The following DAPK1 variants were observed in gnomAD, a reference collection of about 807,000 sequenced individuals.
The protein encoded by DAPK1 is death-associated protein kinase 1.
DAPK1 carries 56 observed loss-of-function variants against 144.9 expected under a neutral mutation model. The ratio of observed to expected loss-of-function variants is 0.39; its 90% CI spans 0.31 to 0.48. The LOEUF (loss-of-function observed/expected upper bound fraction) is 0.48, where lower values mean the gene tolerates loss of function less well. Ranked by LOEUF, DAPK1 falls within the 20% of genes least tolerant of loss-of-function variation. The probability of loss-of-function intolerance (pLI) is 0.95; values close to 1 mark genes in which losing one functional copy is unlikely to be tolerated. For synonymous variants in DAPK1, 690 were observed against 749.0 expected (o/e 0.92, Z 1.29); for missense variants, 1,454 against 1,875.4 (o/e 0.78, Z 4.15).
chr9:87,571,084 T>C (rs1025519635), intron 2 of DAPK1, among the ~76,000 whole-genome samples: 2 of 152,134 alleles, frequency 1.3e-5, no homozygotes, highest in Non-Finnish European at 2.9e-5. Flanking sequence ...TTAAAGAAAA[T>C]GTGGATGCCT....
At chr9:87,530,784 T>C (rs4878092) in intron 2 of DAPK1, among the ~76,000 whole-genome samples, 72,818 of 151,930 alleles carry the variant, frequency 0.48, 17,698 homozygotes, top group South Asian at 0.58. Context: ...AGGGGAGCCT[T>C]CTTGTCGCAG....
rs1163130485 is a variant in DAPK1, at chr9:87,649,795, A to G, written c.1429-126A>G. ...AGATTAATATTTCACTCCAATACCT[A>G]TGAGCTCTTTCCCTCTGCTGCCTTG... On this transcript the variant is annotated intron_variant, in intron 15 of 25. Transcript: ENST00000408954. 5.2e-5 allele frequency: 42 copies of G among 808,494 alleles called. 2 individuals carry two copies. In the East Asian group the frequency reaches 9.1e-4, roughly 17 times the overall value. The allele number at this position is 808,494 out of a possible 1,614,324, so 50.1% of individuals were successfully genotyped here. A position where few individuals can be genotyped will look rare whatever the true frequency, so the allele number is the denominator to read the frequency against.
chr9:87,560,717 G>A (rs1012105554), intron 2 of DAPK1, among the ~76,000 whole-genome samples: 5 of 150,086 alleles, frequency 3.3e-5, no homozygotes, highest in Non-Finnish European at 5.9e-5. Context: ...CCAGGCTGGA[G>A]TGCAGTGGCA....
chr9:87,653,608 TC>T (rs1830534318), intron 17 of DAPK1, among the ~76,000 whole-genome samples: 1 of 152,164 alleles, frequency 6.6e-6, no homozygotes, highest in Non-Finnish European at 1.5e-5. Flanking sequence ...CACTAAGTCT[TC>T]AGGAAAATGT....
chr9:87,550,717 A>G (rs1305680867), intron 2 of DAPK1, among the ~76,000 whole-genome samples: 1 of 152,222 alleles, frequency 6.6e-6, no homozygotes, highest in Non-Finnish European at 1.5e-5. Flanking sequence ...TGAGGGGGTC[A>G]TAATTCAACC....
Position 87,702,089 on chromosome 9 carries a change from G to A in DAPK1, c.2872-940G>A, listed in dbSNP as rs1055405902. On this transcript the variant is annotated intron_variant, in intron 24 of 25. Transcript: ENST00000408954. Reference sequence around the variant, plus strand: ...CTCTGGCATGATCTGCTGCTTCTCAGACACCCCCCGCCCAACCCCTAAACT... The same window carrying A: ...CTCTGGCATGATCTGCTGCTTCTCAAACACCCCCCGCCCAACCCCTAAACT... Among the ~76,000 whole-genome samples, 3 of 152,094 alleles carry A rather than the reference G, an allele frequency of 2.0e-5. No individual in the cohort carries two copies. The East Asian group carries it at 5.8e-4, about 29-fold the overall frequency.
At chr9:87,518,115 T>A (rs1403189264) in intron 2 of DAPK1, among the ~76,000 whole-genome samples, 1 of 139,904 alleles carries the variant, frequency 7.1e-6, no homozygotes, top group South Asian at 2.3e-4. Flanking sequence ...GTTTTTTTTT[T>A]TTTTTTTTTT....
At position 87,508,006 on chromosome 9, in the gene DAPK1, C is replaced by G. The variant is rs556690162; in HGVS notation, c.62+8867C>G. Among the ~76,000 whole-genome samples, 95 of 152,214 alleles carry G rather than the reference C, an allele frequency of 6.2e-4. 2 individuals are homozygous for G. The Middle Eastern group carries it at 0.024, about 38-fold the overall frequency. On this transcript the variant is annotated intron_variant, in intron 2 of 25. Coordinates refer to ENST00000408954, the MANE Select transcript of DAPK1 (RefSeq NM_004938.4). ...TAGTTCATTGCTTTTACTTTTGAAA[C>G]TGTATAAACTTTTCCCTTTTTTTGG...
chr9:87,688,306 G>A (rs982824316), intron 21 of DAPK1, among the ~76,000 whole-genome samples: 9 of 152,156 alleles, frequency 5.9e-5, no homozygotes, highest in Admixed American at 3.3e-4. Flanking sequence ...ATTTCATGAT[G>A]TATATGTATC....
At chr9:87,659,156 G>A (rs904914983) in intron 18 of DAPK1, among the ~76,000 whole-genome samples, 6 of 152,276 alleles carry the variant, frequency 3.9e-5, no homozygotes, top group South Asian at 2.1e-4. Context: ...CTAGGATGTC[G>A]CCTCCCCGAA....
intron 21 of DAPK1, among the ~76,000 whole-genome samples, chr9:87,689,697 G>A (rs941729174): frequency 2.0e-5 from 3 of 152,084 alleles, no homozygotes; most frequent in African/African-American, 4.8e-5. Flanking sequence ...TGAGAGACAG[G>A]GGTCCAGTTT....
At chr9:87,639,236 A>T in intron 4 of DAPK1, 118 bp from the exon 5 acceptor site, 4 of 884,926 alleles carry the variant, frequency 4.5e-6, no homozygotes, top group South Asian at 1.8e-5. Context: ...TCTTCCAACC[A>T]CCCTTTCTTC....
chr9:87,652,695 C>T (rs1830494091), intron 17 of DAPK1, among the ~76,000 whole-genome samples: 1 of 144,842 alleles, frequency 6.9e-6, no homozygotes, highest in South Asian at 2.3e-4. Context: ...TGTGTCCTCT[C>T]ACCTGATCCC....
Position 87,706,888 on chromosome 9 carries a change from G to C in DAPK1, c.3817G>C (p.Gly1273Arg), listed in dbSNP as rs763428159. The C allele has an allele frequency of 6.8e-6, 11 of 1,613,982 alleles. No individual in the cohort carries two copies. Among genetic ancestry groups the C allele is most frequent in the South Asian group, 1.1e-5 (1 of 91,082 alleles). The change falls in exon 26 of 26, where the codon GGG (glycine) becomes CGG (arginine). Residue 1273 changes from glycine (G) to arginine (R), a missense_variant. Physicochemically the swap from Gly to Arg is moderately radical, Grantham distance 125 (BLOSUM62 -2). Transcript: ENST00000408954. The surrounding 1 kb of genome is among the most constrained non-coding windows in gnomAD (Gnocchi z 9.0). Reference sequence around the variant, plus strand: ...GGAAACCTCACTGACCAACACCATGGGGGGGTACAAGGAAAGCTTCAGCAG... The same window carrying C: ...GGAAACCTCACTGACCAACACCATGCGGGGGTACAAGGAAAGCTTCAGCAG... ...LKETSLTNTM[G>R]GYKESFSSIM...
chr9:87,636,574 G>T (rs905770890), intron 3 of DAPK1, among the ~76,000 whole-genome samples: 4 of 152,154 alleles, frequency 2.6e-5, no homozygotes, highest in Admixed American at 2.6e-4. Flanking sequence ...ACTCTAGACC[G>T]TGCTAAGGAA....
At chr9:87,704,710 A>T (rs140265846) in intron 25 of DAPK1, among the ~76,000 whole-genome samples, 109 of 152,304 alleles carry the variant, frequency 7.2e-4, no homozygotes, top group African/African-American at 2.6e-3. Flanking sequence ...CAGGAACTAG[A>T]TCAATATTGG....
intron 2 of DAPK1, among the ~76,000 whole-genome samples, chr9:87,598,233 C>G (rs1828388598): frequency 6.6e-6 from 1 of 152,124 alleles, no homozygotes; most frequent in Admixed American, 6.5e-5. Flanking sequence ...AAAACCGAGC[C>G]AGGGATTTGA....
chr9:87,550,982 GA>G (rs1826459459), intron 2 of DAPK1, among the ~76,000 whole-genome samples: 3 of 152,312 alleles, frequency 2.0e-5, no homozygotes, highest in Admixed American at 6.5e-5. Context: ...GACACATGTG[GA>G]AGGATGGTCC....
intron 2 of DAPK1, among the ~76,000 whole-genome samples, chr9:87,570,479 C>T (rs899967658): frequency 1.3e-5 from 2 of 152,198 alleles, no homozygotes; most frequent in African/African-American, 2.4e-5. Flanking sequence ...AAGAATATTA[C>T]CCCCAGGTTG....
Sources: gnomAD v4.1 joint callset for allele counts (sites outside exome capture counted in the v4.1 genomes callset) on GRCh38, gnomAD v4.1.1 for gene constraint, Gnocchi (gnomAD v3.1) non-coding constraint, MANE v1.5 for transcripts, NCBI Gene and HGNC (gene_info 2026-07-23, HGNC 2026-07-21) for gene names.